Variants in TGIF2 observed in about 807,000 individuals in gnomAD.
The protein encoded by TGIF2 is TGFB induced factor homeobox 2, also known as homeobox protein TGIF2.
Under a neutral mutation model 15.1 loss-of-function variants are expected in TGIF2, and 5 were observed. The observed-to-expected ratio is 0.33, with a 90% CI of 0.17 to 0.70. The LOEUF (loss-of-function observed/expected upper bound fraction) is 0.70, where lower values mean the gene tolerates loss of function less well. TGIF2 is among the 30% of genes least tolerant of loss of function. The pLI is 0.67. For missense variants in TGIF2, 264 were observed against 302.5 expected (o/e 0.87, Z 0.94); for synonymous variants, 131 against 128.9 (o/e 1.02, Z -0.11).
At position 36,579,767 on chromosome 20, in the gene TGIF2, A is replaced by C. The variant is rs533210604; in HGVS notation, c.192+801A>C. 3.3e-5 allele frequency among the ~76,000 whole-genome samples: 5 copies of C among 152,182 alleles called. 1 individual carries two copies. Among genetic ancestry groups the C allele is most frequent in the Admixed American group, 3.3e-4 (5 of 15,272 alleles). ...CCTTATCTGTAAAGGGGCAGGGGGT[A>C]CACAGAGTCTTCCCCTGCCTGGTGG... On this transcript the variant is annotated intron_variant, in intron 2 of 2. Coordinates refer to ENST00000373872, the MANE Select transcript of TGIF2 (RefSeq NM_021809.7).
At chr20:36,584,075 AG>A (rs1005364922) in intron 2 of TGIF2, among the ~76,000 whole-genome samples, 7 of 152,142 alleles carry the variant, frequency 4.6e-5, no homozygotes, top group Non-Finnish European at 8.8e-5. Flanking sequence ...TCAAAAAAAA[AG>A]AAAAAAAAAT....
chr20:36,584,160 AT>A (rs1163644107), intron 2 of TGIF2, among the ~76,000 whole-genome samples: 2 of 152,078 alleles, frequency 1.3e-5, no homozygotes, highest in Admixed American at 1.3e-4. Flanking sequence ...GGTCCCCTAC[AT>A]TCCCACTACA....
intron 2 of TGIF2, among the ~76,000 whole-genome samples, chr20:36,584,306 T>A (rs1600776134): frequency 2.6e-5 from 4 of 152,202 alleles, no homozygotes; most frequent in Admixed American, 2.6e-4. Context: ...GCTTTTAGAC[T>A]GCACCAAATT....
chr20:36,582,773 C>G (rs911184133), intron 2 of TGIF2, among the ~76,000 whole-genome samples: 1 of 152,220 alleles, frequency 6.6e-6, no homozygotes, highest in Non-Finnish European at 1.5e-5. Flanking sequence ...ACCCAGCCCT[C>G]CTTGATGGAA....
At chr20:36,588,198 T>A (rs2038698037) in intron 2 of TGIF2, among the ~76,000 whole-genome samples, 1 of 151,872 alleles carries the variant, frequency 6.6e-6, no homozygotes, top group Non-Finnish European at 1.5e-5. Flanking sequence ...TGAGCTCAGT[T>A]CTCTCTAGTA....
In TGIF2 at chr20:36,593,802, G is replaced by C. The variant is rs1250321052; in HGVS notation, c.*2371G>C. The stretch of plus-strand genomic sequence containing the variant: ...CCCCATTATGTAAAATGGGGTGTTG[G>C]GTAGGGCAGACTCTGCTTGGGTTTG... On this transcript the variant is annotated 3_prime_UTR_variant, in exon 3 of 3. Transcript: ENST00000373872. 1 of 152,636 alleles carries C rather than the reference G, an allele frequency of 6.6e-6. No individual in the cohort carries two copies. Among genetic ancestry groups the C allele is most frequent in the Non-Finnish European group, 1.5e-5 (1 of 68,046 alleles). The allele number at this position is 152,636 out of a possible 1,614,324, so 9.5% of individuals were successfully genotyped here.
rs755079844 is a variant in TGIF2 at position 36,586,693 on chromosome 20, T to TTC, written c.193-4217_193-4216insTC. On this transcript the variant is annotated intron_variant, in intron 2 of 2. Coordinates refer to ENST00000373872, the MANE Select transcript of TGIF2 (RefSeq NM_021809.7). The stretch of plus-strand genomic sequence containing the variant: ...CTGGGCAAAGAAGTGAGACTCCATT[T>TTC]CCCCCCCCCCAAAAAAAAAAATCTC... Among the ~76,000 whole-genome samples, 5 of 121,842 alleles carry TTC rather than the reference T, an allele frequency of 4.1e-5. No homozygotes were observed. In the East Asian group the frequency reaches 1.2e-3, roughly 30 times the overall value. 79.9% of individuals were successfully genotyped at this position (121,842 alleles called of 152,430 possible).
chr20:36,579,678 C>G (rs1171247249), intron 2 of TGIF2, among the ~76,000 whole-genome samples: 2 of 152,154 alleles, frequency 1.3e-5, no homozygotes, highest in Non-Finnish European at 2.9e-5. Context: ...GGATCACAGT[C>G]CAGGAAAGGG....
intron 1 of TGIF2, among the ~76,000 whole-genome samples, chr20:36,578,240 T>C (rs1395091837): frequency 1.3e-5 from 2 of 151,676 alleles, no homozygotes; most frequent in Non-Finnish European, 2.9e-5. Context: ...GGTGAAACCC[T>C]GTGTCTACCA....
chr20:36,575,946 GC>G (rs2038419347), intron 1 of TGIF2, among the ~76,000 whole-genome samples: 1 of 151,670 alleles, frequency 6.6e-6, no homozygotes, highest in African/African-American at 2.4e-5. Context: ...AAAAAAAATA[GC>G]TAGATGTGGT....
At chr20:36,577,266 C>G (rs1360158505) in intron 1 of TGIF2, among the ~76,000 whole-genome samples, 1 of 151,992 alleles carries the variant, frequency 6.6e-6, no homozygotes, top group Non-Finnish European at 1.5e-5. Flanking sequence ...ATGCCATGAT[C>G]TCAGCTCACT....
intron 1 of TGIF2, among the ~76,000 whole-genome samples, chr20:36,577,238 C>CA (rs2147921224): frequency 6.6e-6 from 1 of 152,060 alleles, no homozygotes; most frequent in Admixed American, 6.6e-5. Context: ...ATCACTCTGT[C>CA]ACCCAGGCTG....
intron 1 of TGIF2, among the ~76,000 whole-genome samples, chr20:36,577,015 A>T (rs1396046167): frequency 3.1e-4 from 46 of 149,670 alleles, no homozygotes; most frequent in African/African-American, 1.1e-3. Flanking sequence ...TTTTTTTTTT[A>T]TTATTTTATT....
At chr20:36,588,090 A>G (rs2038695624) in intron 2 of TGIF2, among the ~76,000 whole-genome samples, 1 of 150,282 alleles carries the variant, frequency 6.7e-6, no homozygotes, top group Admixed American at 6.6e-5. Flanking sequence ...AAAAAAAAGC[A>G]CAGCAAAGCA....
At chr20:36,584,972 G>A (rs1275199560) in intron 2 of TGIF2, among the ~76,000 whole-genome samples, 2 of 152,104 alleles carry the variant, frequency 1.3e-5, no homozygotes, top group Admixed American at 6.6e-5. Context: ...CGAGGCAAAC[G>A]GATCACCTGG....
chr20:36,573,765 G>C lies in TGIF2; in HGVS notation c.-35+20G>C, dbSNP rs1037565850. 6.6e-6 allele frequency: 1 copy of C among 152,058 alleles called. No homozygotes were observed. Among genetic ancestry groups the C allele is most frequent in the African/African-American group, 2.4e-5 (1 of 41,382 alleles). The allele number at this position is 152,058 out of a possible 1,614,324, so 9.4% of individuals were successfully genotyped here. A position where few individuals can be genotyped will look rare whatever the true frequency, so the allele number is the denominator to read the frequency against. ...GGAAAAGTCAGTGCAGGGAGCAGCA[G>C]AGGGCCAGATGGGGGTGGGGGCGCG... is the stretch of plus-strand genomic sequence containing the variant. On this transcript the variant is annotated intron_variant, in intron 1 of 2. Transcript: ENST00000373872.
At chr20:36,575,314 TGG>T (rs1399827967) in intron 1 of TGIF2, among the ~76,000 whole-genome samples, 1 of 151,998 alleles carries the variant, frequency 6.6e-6, no homozygotes, top group African/African-American at 2.4e-5. Flanking sequence ...AGACTACAGA[TGG>T]CCCTGTGTGG....
At position 36,593,060 on chromosome 20, in the gene TGIF2, C is replaced by A. The variant is rs1006779726; in HGVS notation, c.*1629C>A. On this transcript the variant is annotated 3_prime_UTR_variant, in exon 3 of 3. Coordinates refer to ENST00000373872, the MANE Select transcript of TGIF2 (RefSeq NM_021809.7). ...TGACCTCGTGAGCCACCACGCCCAGCCTCTTTTGCTGTTTCATTGCTGACA... is the reference window on the plus strand; with the variant it reads ...TGACCTCGTGAGCCACCACGCCCAGACTCTTTTGCTGTTTCATTGCTGACA... The A allele has an allele frequency of 6.6e-6, 1 of 152,612 alleles. No homozygotes were observed. The highest frequency in any genetic ancestry group is 6.5e-5 in the Admixed American group (1 of 15,268). The allele number at this position is 152,612 out of a possible 1,614,324, so 9.5% of individuals were successfully genotyped here.
intron 2 of TGIF2, among the ~76,000 whole-genome samples, chr20:36,579,200 C>T (rs2038494512): frequency 6.6e-6 from 1 of 152,114 alleles, no homozygotes; most frequent in Non-Finnish European, 1.5e-5. Flanking sequence ...GAGACGGAGT[C>T]TTGCACTGTC....
Sources: gnomAD v4.1 joint callset for allele counts (sites outside exome capture counted in the v4.1 genomes callset) on GRCh38, gnomAD v4.1.1 for gene constraint, MANE v1.5 for transcripts, NCBI Gene and HGNC (gene_info 2026-07-23, HGNC 2026-07-21) for gene names.